Variants in ADAM33 observed in about 807,000 individuals in gnomAD.
The protein encoded by ADAM33 is ADAM metallopeptidase domain 33, also known as disintegrin and metalloproteinase domain-containing protein 33.
Under a neutral mutation model 106.2 loss-of-function variants are expected in ADAM33, and 103 were observed. That is an observed-to-expected ratio of 0.97 (90% CI 0.83 to 1.14). The LOEUF is 1.14. ADAM33 is among the 50% of genes most tolerant of loss of function. The pLI is 0.00. For missense variants in ADAM33, 1,120 were observed against 1,096.6 expected, an observed-to-expected ratio of 1.02 and a Z score of -0.30; for synonymous variants, 483 against 453.0, an observed-to-expected ratio of 1.07 and a Z score of -0.84.
chr20:3,673,722 G>T (rs2087731219), intron 9 of ADAM33, 23 bp downstream of exon 9: 2 of 1,399,328 alleles, frequency 1.4e-6, no homozygotes, highest in African/African-American at 3.0e-5. Flanking sequence ...CCCGGGACCC[G>T]CGTCCGGGTC....
At chr20:3,681,131 C>T (rs988025136) in intron 1 of ADAM33, among the ~76,000 whole-genome samples, 8 of 152,194 alleles carry the variant, frequency 5.3e-5, no homozygotes, top group Admixed American at 6.5e-5. Context: ...AGCCCAGCCC[C>T]GCATGCCCCC....
In ADAM33 at chr20:3,677,109, T is replaced by TCCAGGGCCACCAGCCC. The variant is rs1242258033; in HGVS notation, c.196_211dup (p.Glu71GlyfsTer8). ...AAGCAGGAGCTCCTGGCCTTCAGCC[T>TCCAGGGCCACCAGCCC]CCAGGGCCACCAGCCCCATGTCTGG... On this transcript the variant is annotated frameshift_variant, in exon 3 of 22. Transcript: ENST00000356518. LOFTEE classifies it high-confidence loss of function. 1.9e-6 allele frequency: 3 copies of TCCAGGGCCACCAGCCC among 1,612,056 alleles called. No individual in the cohort carries two copies. The highest frequency in any genetic ancestry group is 1.7e-6 in the Non-Finnish European group (2 of 1,179,328).
chr20:3,677,550 C>T (rs776110921), intron 2 of ADAM33, among the ~76,000 whole-genome samples: 2 of 152,198 alleles, frequency 1.3e-5, no homozygotes, highest in African/African-American at 4.8e-5. Flanking sequence ...TCAGGGCCTC[C>T]TCAGAGCCTC....
At chr20:3,669,456 G>C in intron 20 of ADAM33, 86 bp from the exon 21 acceptor site, 3 of 1,545,338 alleles carry the variant, frequency 1.9e-6, no homozygotes, top group Non-Finnish European at 1.7e-6. Context: ...GACTCAAGGT[G>C]ACTGGGTGCT....
At chr20:3,678,842 C>T (rs2088197777) in intron 2 of ADAM33, among the ~76,000 whole-genome samples, 1 of 152,228 alleles carries the variant, frequency 6.6e-6, no homozygotes, top group South Asian at 2.1e-4. Context: ...TCTTAGTTTG[C>T]AGCACAGATA....
chr20:3,672,497 G>C, intron 13 of ADAM33, 40 bp downstream of exon 13: 1 of 1,600,006 alleles, frequency 6.2e-7, no homozygotes. Context: ...CGGCTCCCAA[G>C]CTCCCCGAAA....
At chr20:3,670,755 A>C (rs2087479463) in intron 19 of ADAM33, 1 of 488,292 alleles carries the variant, frequency 2.0e-6, no homozygotes, top group African/African-American at 1.9e-5. Flanking sequence ...GAGAGTGGAC[A>C]AGAGGAGCTG....
Position 3,674,637 on chromosome 20 carries a change from C to CG in ADAM33, c.466dup (p.Arg156ProfsTer191). On this transcript the variant is annotated frameshift_variant, in exon 6 of 22. Coordinates refer to ENST00000356518, the MANE Select transcript of ADAM33 (RefSeq NM_025220.5). LOFTEE classifies it high-confidence loss of function. ...GTGGGTTGAGAAGTCCTTGGAGCCC[C>CG]GGGGTGGCCAGGGACGCAGATAATA... The CG allele has an allele frequency of 6.2e-7, 1 of 1,612,732 alleles. No homozygotes were observed.
intron 2 of ADAM33, 132 bp downstream of exon 2, chr20:3,679,360 G>T: frequency 1.2e-6 from 1 of 862,320 alleles, no homozygotes; most frequent in Non-Finnish European, 1.8e-6. Context: ...GGCAGGGGAG[G>T]CAGGGGCCTA....
chr20:3,679,427 AGGGAGAGACAAAAGGGCT>A (rs2088272020), intron 2 of ADAM33, 47 bp downstream of exon 2: 1 of 1,501,050 alleles, frequency 6.7e-7, no homozygotes, highest in African/African-American at 1.4e-5. Flanking sequence ...GCTGTAATGT[AGGGAGAGACAAAAGGGCT>A]GGGAGGTTCA....
chr20:3,677,597 C>T (rs1475477745), intron 2 of ADAM33, among the ~76,000 whole-genome samples: 1 of 152,238 alleles, frequency 6.6e-6, no homozygotes, highest in Non-Finnish European at 1.5e-5. Flanking sequence ...AGCTGCTGCT[C>T]ATTCCCTATA....
At chr20:3,678,431 C>A (rs2088164371) in intron 2 of ADAM33, among the ~76,000 whole-genome samples, 1 of 152,188 alleles carries the variant, frequency 6.6e-6, no homozygotes, top group Non-Finnish European at 1.5e-5. Context: ...GGCAGAGTGA[C>A]CCCAGTGTGT....
rs2087862455 is a variant in ADAM33 at position 3,675,197 on chromosome 20, G to T, written c.255-92C>A. On this transcript the variant is annotated intron_variant, in intron 3 of 21. Transcript: ENST00000356518. The surrounding 1 kb of genome is among the most constrained non-coding windows in gnomAD (Gnocchi z 4.1). ...GCCTTCCTCCCTAAATGCTAATGGA[G>T]CAGCTTTATGAGTGAGACACTCACA... 3.2e-6 allele frequency: 3 copies of T among 951,140 alleles called. No individual in the cohort carries two copies. The highest frequency in any genetic ancestry group is 2.2e-5 in the Admixed American group (1 of 45,918). The allele number at this position is 951,140 out of a possible 1,614,324, so 58.9% of individuals were successfully genotyped here. A position where few individuals can be genotyped will look rare whatever the true frequency, so the allele number is the denominator to read the frequency against.
chr20:3,671,523 G>T (rs1163832581), intron 16 of ADAM33, 27 bp from the exon 17 acceptor site: 1 of 1,609,840 alleles, frequency 6.2e-7, no homozygotes. Flanking sequence ...AGGCAGTGAG[G>T]GGGACACTGG....
At chr20:3,676,929 A>T in intron 3 of ADAM33, 138 bp downstream of exon 3, 2 of 903,588 alleles carry the variant, frequency 2.2e-6, no homozygotes, top group Non-Finnish European at 3.2e-6. Context: ...AGCCAACCAC[A>T]GGCCTGCGTG....
At position 3,669,559 on chromosome 20, in the gene ADAM33, C is replaced by T. The variant is rs150692069; in HGVS notation, c.2319G>A (p.Gln773=). 782 of 1,595,876 alleles carry T rather than the reference C, an allele frequency of 4.9e-4. 3 individuals carry two copies. The African/African-American group carries it at 5.2e-3, about 11-fold the overall frequency. The change falls in exon 20 of 22, where the codon CAG becomes CAA. Residue 773 remains glutamine (Q), a synonymous_variant. Coordinates refer to ENST00000356518, the MANE Select transcript of ADAM33 (RefSeq NM_025220.5). ...TGCCTCACTCACCCAGGGGCCAGGG[C>T]TGTCCAGTGGCTGTGGGGCCCAACT... is the stretch of plus-strand genomic sequence containing the variant. The part of the protein sequence containing the change: ...PMELGPTATG[Q]PWPLDPENSH...
Position 3,673,955 on chromosome 20 carries a change from G to A in ADAM33, c.739-44C>T, listed in dbSNP as rs766955301. 6 of 1,580,106 alleles carry A rather than the reference G, an allele frequency of 3.8e-6. No individual in the cohort carries two copies. The South Asian group carries it at 5.7e-5, about 15-fold the overall frequency. On this transcript the variant is annotated intron_variant, in intron 8 of 21. Coordinates refer to ENST00000356518, the MANE Select transcript of ADAM33 (RefSeq NM_025220.5). ...TGAAGCCGGGACAGGGCGCCCCATC[G>A]CGCCGGTGGTCCTTCGTGGGGCGCC...
chr20:3,676,084 G>A (rs947732508), intron 3 of ADAM33, among the ~76,000 whole-genome samples: 11 of 152,196 alleles, frequency 7.2e-5, no homozygotes, highest in Admixed American at 5.9e-4. Context: ...TCAGAACAGC[G>A]CCTGCGGTCA....
intron 16 of ADAM33, 32 bp from the exon 17 acceptor site, chr20:3,671,528 C>T (rs1422543738): frequency 6.2e-7 from 1 of 1,610,148 alleles, no homozygotes; most frequent in South Asian, 1.1e-5. Context: ...GTGAGGGGGA[C>T]ACTGGCCTGC....
Sources: gnomAD v4.1 joint callset for allele counts (sites outside exome capture counted in the v4.1 genomes callset) on GRCh38, gnomAD v4.1.1 for gene constraint, Gnocchi (gnomAD v3.1) non-coding constraint, MANE v1.5 for transcripts, NCBI Gene and HGNC (gene_info 2026-07-23, HGNC 2026-07-21) for gene names.